Variants in CLEC2B observed in about 807,000 individuals in gnomAD.
CLEC2B encodes C-type lectin domain family 2 member B.
Under a neutral mutation model 16.2 loss-of-function variants are expected in CLEC2B, and 14 were observed. That is an observed-to-expected ratio of 0.86 (90% CI 0.57 to 1.35). The LOEUF (loss-of-function observed/expected upper bound fraction) is 1.35. Among genes scored for constraint, CLEC2B ranks in the 40% most tolerant of loss-of-function variants. CLEC2B has a pLI of 0.00. For synonymous variants in CLEC2B, 42 were observed against 55.8 expected (o/e 0.75, Z 1.10); for missense variants, 166 against 182.3 (o/e 0.91, Z 0.52).
At chr12:9,853,714 AT>A (rs1273286733) in intron 4 of CLEC2B, among the ~76,000 whole-genome samples, 1 of 152,134 alleles carries the variant, frequency 6.6e-6, no homozygotes, top group East Asian at 1.9e-4. Context: ...CAGTATTTGG[AT>A]TTTTTTTATT....
chr12:9,860,611 A>T (rs192592194), intron 2 of CLEC2B, among the ~76,000 whole-genome samples: 28 of 152,016 alleles, frequency 1.8e-4, no homozygotes, highest in Admixed American at 1.4e-3. Flanking sequence ...AAAATTACAG[A>T]TAATTTATAT....
At chr12:9,855,011 T>C (rs781711873) in intron 3 of CLEC2B, among the ~76,000 whole-genome samples, 3 of 152,180 alleles carry the variant, frequency 2.0e-5, no homozygotes, top group Non-Finnish European at 2.9e-5. Context: ...AATTTCCAAA[T>C]ACATCATTCA....
rs771674688 is a variant in CLEC2B, at chr12:9,857,626, G to T, written c.85C>A (p.Arg29=). The part of the protein sequence containing the change: ...NIITLIVKLT[R]DSQSLCPYDW... ...TAGGGGCATAAACTCTGAGAATCTCGAGTTAGTTTAACTGGAAATGAGACA... is the reference window on the plus strand; with the variant it reads ...TAGGGGCATAAACTCTGAGAATCTCTAGTTAGTTTAACTGGAAATGAGACA... Residue 29 remains arginine, a synonymous_variant, in exon 3 of 5, where the codon CGA becomes AGA. Coordinates refer to ENST00000228438, the MANE Select transcript of CLEC2B (RefSeq NM_005127.3). 3 of 1,608,026 alleles carry T rather than the reference G, an allele frequency of 1.9e-6. No homozygotes were observed. The highest frequency in any genetic ancestry group is 2.6e-6 in the Non-Finnish European group (3 of 1,175,432).
intron 2 of CLEC2B, among the ~76,000 whole-genome samples, chr12:9,858,402 C>T (rs1363000126): frequency 6.6e-6 from 1 of 152,186 alleles, no homozygotes; most frequent in East Asian, 1.9e-4. Flanking sequence ...CTAATTTCTA[C>T]ATAAAAGCCT....
At chr12:9,853,771 G>C (rs1015397928) in intron 4 of CLEC2B, among the ~76,000 whole-genome samples, 2 of 152,034 alleles carry the variant, frequency 1.3e-5, no homozygotes, top group African/African-American at 2.4e-5. Context: ...GTTTATCCAG[G>C]GGTGCTGCCA....
At chr12:9,857,764 T>C in intron 2 of CLEC2B, 127 bp from the exon 3 acceptor site, 2 of 736,176 alleles carry the variant, frequency 2.7e-6, no homozygotes, top group Non-Finnish European at 4.4e-6. Flanking sequence ...ATATCTATTA[T>C]ATGATAAGTT....
intron 3 of CLEC2B, 193 bp downstream of exon 3, chr12:9,857,281 T>C: frequency 1.8e-6 from 1 of 564,970 alleles, no homozygotes; most frequent in Non-Finnish European, 3.1e-6. Context: ...TACTACTTGA[T>C]GTTAGTCTTA....
At chr12:9,862,967 G>C (rs958434949) in intron 1 of CLEC2B, among the ~76,000 whole-genome samples, 1 of 152,090 alleles carries the variant, frequency 6.6e-6, no homozygotes, top group Non-Finnish European at 1.5e-5. Flanking sequence ...GAAGCATCGG[G>C]GTGCCTGAAC....
Position 9,853,249 on chromosome 12 carries a change from T to C in CLEC2B, c.*51A>G. On this transcript the variant is annotated 3_prime_UTR_variant, in exon 5 of 5. Transcript: ENST00000228438. ...TAATTAAAAAAGTACTTTGCTGGTTTTACACTTAATAATGTTATTTTCTAT... is the reference window on the plus strand; with the variant it reads ...TAATTAAAAAAGTACTTTGCTGGTTCTACACTTAATAATGTTATTTTCTAT... 1 of 1,397,704 alleles carries C rather than the reference T, an allele frequency of 7.2e-7. No homozygotes were observed. Among genetic ancestry groups the C allele is most frequent in the Non-Finnish European group, 1.0e-6 (1 of 990,698 alleles). The allele number at this position is 1,397,704 out of a possible 1,614,324, so 86.6% of individuals were successfully genotyped here.
intron 3 of CLEC2B, among the ~76,000 whole-genome samples, chr12:9,855,182 A>G (rs1867886272): frequency 6.6e-6 from 1 of 152,070 alleles, no homozygotes; most frequent in South Asian, 2.1e-4. Flanking sequence ...AACTATATTC[A>G]CACTGTATCA....
At position 9,855,430 on chromosome 12, in the gene CLEC2B, G is replaced by A. The variant is rs1250788392; in HGVS notation, c.238-946C>T. On this transcript the variant is annotated intron_variant, in intron 3 of 4. Coordinates refer to ENST00000228438, the MANE Select transcript of CLEC2B (RefSeq NM_005127.3). ...TTCAAAGGCCTTCATTTACAGTGAG[G>A]AAAATAATGTAAACATAATGTTAGA... Among the ~76,000 whole-genome samples the A allele has an allele frequency of 3.3e-5, 5 of 151,858 alleles. No homozygotes were observed. In the East Asian group the frequency reaches 9.6e-4, roughly 29 times the overall value.
chr12:9,854,805 G>T, intron 3 of CLEC2B: 2 of 406,152 alleles, frequency 4.9e-6, no homozygotes, highest in South Asian at 4.5e-5. Flanking sequence ...CTCTCGCACA[G>T]CATTTCCAAT....
chr12:9,866,355 A>C (rs1043773046), intron 1 of CLEC2B, among the ~76,000 whole-genome samples: 1 of 152,126 alleles, frequency 6.6e-6, no homozygotes, highest in African/African-American at 2.4e-5. Flanking sequence ...TATAGATGTT[A>C]GAGATATCAT....
At chr12:9,858,614 A>G (rs1024869352) in intron 2 of CLEC2B, among the ~76,000 whole-genome samples, 10 of 151,996 alleles carry the variant, frequency 6.6e-5, no homozygotes, top group Admixed American at 6.6e-4. Context: ...CAAAATAATC[A>G]GTTAAATTAT....
In CLEC2B at chr12:9,856,865, T is replaced by C. The variant is rs1415672697; in HGVS notation, c.237+609A>G. On this transcript the variant is annotated intron_variant, in intron 3 of 4. Coordinates refer to ENST00000228438, the MANE Select transcript of CLEC2B (RefSeq NM_005127.3). The stretch of plus-strand genomic sequence containing the variant: ...TAAAGTTCTTGGAGAGCCTCTTTAC[T>C]CATAGAGATTTTGTCATGTAAATCA... 3 of 152,094 alleles carry C rather than the reference T, an allele frequency of 2.0e-5. No homozygotes were observed. The East Asian group carries it at 5.8e-4, about 29-fold the overall frequency. 9.4% of individuals were successfully genotyped at this position (152,094 alleles called of 1,614,324 possible). A position where few individuals can be genotyped will look rare whatever the true frequency, so the allele number is the denominator to read the frequency against.
In CLEC2B at chr12:9,854,536, C is replaced by T. The variant is rs559108903; in HGVS notation, c.238-52G>A. 3.4e-6 allele frequency: 4 copies of T among 1,172,024 alleles called. No individual in the cohort carries two copies. In the South Asian group the frequency reaches 4.9e-5, roughly 14 times the overall value. The allele number at this position is 1,172,024 out of a possible 1,614,324, so 72.6% of individuals were successfully genotyped here. On this transcript the variant is annotated intron_variant, in intron 3 of 4. Transcript: ENST00000228438. ...TCATACATGCCAATTTTTATGACAA[C>T]CTACTGTGTACCTCTTGTTTCGTAG...
intron 1 of CLEC2B, among the ~76,000 whole-genome samples, chr12:9,865,180 C>A (rs1281452551): frequency 1.3e-3 from 130 of 99,068 alleles, no homozygotes; most frequent in African/African-American, 2.5e-3. Context: ...AAGACTCTCT[C>A]AAAAAAAAAA....
intron 2 of CLEC2B, 79 bp downstream of exon 2, chr12:9,862,419 GA>G (rs1867939852): frequency 8.0e-7 from 1 of 1,248,830 alleles, no homozygotes; most frequent in African/African-American, 1.6e-5. Context: ...GAGATACTGA[GA>G]AAAGATCATG....
chr12:9,864,802 C>G (rs1348233356), intron 1 of CLEC2B, among the ~76,000 whole-genome samples: 1 of 151,210 alleles, frequency 6.6e-6, no homozygotes, highest in Non-Finnish European at 1.5e-5. Flanking sequence ...TTAAAAACAA[C>G]CATAAAACAA....
Sources: allele counts gnomAD v4.1 joint callset (sites outside exome capture counted in the v4.1 genomes callset), GRCh38; gene constraint gnomAD v4.1.1; transcripts MANE v1.5; gene names NCBI Gene and HGNC (gene_info 2026-07-23, HGNC 2026-07-21).